The following GRM8 variants were observed in gnomAD, a reference collection of about 807,000 sequenced individuals.
The protein encoded by GRM8 is metabotropic glutamate receptor 8.
GRM8 carries 47 observed loss-of-function variants against 87.2 expected under a neutral mutation model. That is an observed-to-expected ratio of 0.54 (90% CI 0.43 to 0.69). The LOEUF (loss-of-function observed/expected upper bound fraction) is 0.69, where lower values mean the gene tolerates loss of function less well. GRM8 is among the 30% of genes least tolerant of loss of function. The pLI, the probability that GRM8 is intolerant of heterozygous loss-of-function variation, is 0.00. For missense variants in GRM8, 1,019 were observed against 1,139.2 expected, an observed-to-expected ratio of 0.89 and a Z score of 1.52; for synonymous variants, 396 against 404.5, an observed-to-expected ratio of 0.98 and a Z score of 0.25.
intron 7 of GRM8, among the ~76,000 whole-genome samples, chr7:126,766,736 T>C (rs539811133): frequency 1.2e-4 from 19 of 152,266 alleles, no homozygotes; most frequent in African/African-American, 4.6e-4. Context: ...TAAAAATTGG[T>C]CCTGAGCAAA....
At chr7:126,630,397 A>G (rs1054038298) in intron 7 of GRM8, among the ~76,000 whole-genome samples, 13 of 152,126 alleles carry the variant, frequency 8.5e-5, no homozygotes, top group African/African-American at 2.9e-4. Context: ...TAGGCTACCA[A>G]CCACAAAAAG....
chr7:126,940,832 G>A (rs1019983905), intron 3 of GRM8, among the ~76,000 whole-genome samples: 1 of 152,102 alleles, frequency 6.6e-6, no homozygotes, highest in Non-Finnish European at 1.5e-5. Context: ...TTGGTCCTTG[G>A]CTGGTTGTCC....
At chr7:127,097,099 GA>G (rs1263788216) in intron 3 of GRM8, among the ~76,000 whole-genome samples, 8 of 152,056 alleles carry the variant, frequency 5.3e-5, no homozygotes, top group African/African-American at 1.4e-4. Context: ...TTTCCACTAA[GA>G]AAAAACACAT....
intron 9 of GRM8, among the ~76,000 whole-genome samples, chr7:126,532,214 A>G (rs1814928239): frequency 6.6e-6 from 1 of 152,234 alleles, no homozygotes; most frequent in South Asian, 2.1e-4. Context: ...TTAGTGACAA[A>G]AGAAATTACT....
intron 9 of GRM8, among the ~76,000 whole-genome samples, chr7:126,522,057 C>T (rs912033748): frequency 6.6e-6 from 1 of 152,144 alleles, no homozygotes; most frequent in African/African-American, 2.4e-5. Flanking sequence ...AACTGGTTTG[C>T]TCTTTTAGTC....
chr7:127,210,049 T>A (rs902468306), intron 2 of GRM8, among the ~76,000 whole-genome samples: 1 of 152,166 alleles, frequency 6.6e-6, no homozygotes, highest in African/African-American at 2.4e-5. Flanking sequence ...AGAGTTGGAA[T>A]GTTAAACTCT....
intron 2 of GRM8, among the ~76,000 whole-genome samples, chr7:127,230,502 G>T (rs1797617217): frequency 1.3e-5 from 2 of 151,966 alleles, no homozygotes; most frequent in Admixed American, 6.6e-5. Flanking sequence ...GCCCAGCCCA[G>T]CCCAATCCCA....
chr7:127,178,707 T>C (rs1794257716), intron 2 of GRM8, among the ~76,000 whole-genome samples: 1 of 152,114 alleles, frequency 6.6e-6, no homozygotes, highest in African/African-American at 2.4e-5. Flanking sequence ...ACAAAACAAT[T>C]ATCAGCCAAG....
intron 2 of GRM8, among the ~76,000 whole-genome samples, chr7:127,187,814 T>C (rs1417012555): frequency 1.3e-5 from 2 of 152,228 alleles, no homozygotes; most frequent in Non-Finnish European, 2.9e-5. Context: ...TTATATCATC[T>C]TCCTGTTCAC....
intron 2 of GRM8, among the ~76,000 whole-genome samples, chr7:127,169,177 G>A (rs1003021918): frequency 7.2e-5 from 11 of 152,000 alleles, no homozygotes; most frequent in African/African-American, 2.2e-4. Context: ...CAGCCAAGTC[G>A]TGAATATGAA....
At chr7:126,957,189 T>TA (rs767896335) in intron 3 of GRM8, among the ~76,000 whole-genome samples, 34 of 150,146 alleles carry the variant, frequency 2.3e-4, no homozygotes, top group South Asian at 4.2e-4. Flanking sequence ...ATCACAGAGT[T>TA]AAAAAAAAAA....
At chr7:126,927,380 TC>T in intron 3 of GRM8, among the ~76,000 whole-genome samples, 1 of 152,262 alleles carries the variant, frequency 6.6e-6, no homozygotes, top group African/African-American at 2.4e-5. Context: ...AAAGTAATCC[TC>T]CCTATTCAGC....
intron 8 of GRM8, among the ~76,000 whole-genome samples, chr7:126,559,807 A>C (rs139937001): frequency 6.6e-6 from 1 of 152,206 alleles, no homozygotes; most frequent in African/African-American, 2.4e-5. Context: ...TGAAAATTTC[A>C]ATTGTAGGCT....
At chr7:127,044,941 T>C (rs17863189) in intron 3 of GRM8, among the ~76,000 whole-genome samples, 43,087 of 151,960 alleles carry the variant, frequency 0.28, 6,957 homozygotes, top group African/African-American at 0.45. Flanking sequence ...TTGCTTCAGA[T>C]TTTTTTATTT....
intron 7 of GRM8, among the ~76,000 whole-genome samples, chr7:126,663,375 T>C (rs1167264814): frequency 6.6e-6 from 1 of 152,166 alleles, no homozygotes; most frequent in Admixed American, 6.5e-5. Flanking sequence ...CTGATGAACA[T>C]AGATTGAAAA....
intron 6 of GRM8, among the ~76,000 whole-genome samples, chr7:126,771,642 C>T (rs1818851643): frequency 1.3e-5 from 2 of 151,978 alleles, no homozygotes; most frequent in African/African-American, 2.4e-5. Flanking sequence ...TGGAAGTTAG[C>T]TTTTTGGAAA....
intron 6 of GRM8, among the ~76,000 whole-genome samples, chr7:126,829,160 G>GA (rs900097423): frequency 4.0e-5 from 6 of 150,268 alleles, no homozygotes; most frequent in South Asian, 2.1e-4. Context: ...GTGTGATGCT[G>GA]AAAAAAATGT....
At chr7:127,183,969 A>G (rs1746894232) in intron 2 of GRM8, among the ~76,000 whole-genome samples, 1 of 151,932 alleles carries the variant, frequency 6.6e-6, no homozygotes, top group African/African-American at 2.4e-5. Flanking sequence ...TCACAAAAGG[A>G]AAAGTAGATA....
intron 2 of GRM8, among the ~76,000 whole-genome samples, chr7:127,132,409 G>A (rs757609899): frequency 3.3e-5 from 5 of 151,714 alleles, no homozygotes; most frequent in East Asian, 3.9e-4. Flanking sequence ...CAAGTCATCC[G>A]GTCTTTCATT....
Sources: allele counts gnomAD v4.1 joint callset (sites outside exome capture counted in the v4.1 genomes callset), GRCh38; gene constraint gnomAD v4.1.1; transcripts MANE v1.5; gene names NCBI Gene and HGNC (gene_info 2026-07-23, HGNC 2026-07-21).